The following GALNT13 variants were observed in gnomAD, a reference collection of about 807,000 sequenced individuals.
GALNT13 encodes UDP-GalNAc:polypeptide N-acetylgalactosaminyltransferase 13.
A neutral mutation model predicts 64.2 loss-of-function variants in GALNT13; 28 were observed. The observed-to-expected ratio is 0.44, with a 90% CI of 0.32 to 0.60. GALNT13 has a LOEUF of 0.60. Among genes scored for constraint, GALNT13 ranks in the 20% least tolerant of loss-of-function variants. GALNT13 has a pLI of 0.05. For missense variants in GALNT13, 577 were observed against 669.8 expected (o/e 0.86, Z 1.53); for synonymous variants, 214 against 224.6 (o/e 0.95, Z 0.42).
chr2:153,370,250 TTAAA>T, the GALNT13 span, among the ~76,000 whole-genome samples: 1 of 152,250 alleles, frequency 6.6e-6, no homozygotes, highest in African/African-American at 2.4e-5. Flanking sequence ...TACCAAATAT[TTAAA>T]TAATACCAAT....
the GALNT13 span, among the ~76,000 whole-genome samples, chr2:153,160,279 A>G: frequency 1.2e-4 from 19 of 152,294 alleles, no homozygotes; most frequent in African/African-American, 4.3e-4. Flanking sequence ...TGTTGGATGT[A>G]AGGATACAGT....
chr2:153,552,761 T>A, the GALNT13 span, among the ~76,000 whole-genome samples: 24 of 152,226 alleles, frequency 1.6e-4, no homozygotes, highest in East Asian at 3.5e-3. Context: ...CAAGTTTTTT[T>A]AAAAGATGGT....
chr2:153,489,080 T>C, the GALNT13 span, among the ~76,000 whole-genome samples: 1 of 152,238 alleles, frequency 6.6e-6, no homozygotes, highest in South Asian at 2.1e-4. Context: ...TGTGTACATA[T>C]GGACATAGGG....
At chr2:153,714,905 T>TG in the GALNT13 span, among the ~76,000 whole-genome samples, 1 of 152,312 alleles carries the variant, frequency 6.6e-6, no homozygotes, top group East Asian at 1.9e-4. Flanking sequence ...GAAATACCCG[T>TG]GTTAGGGAAT....
At chr2:153,986,119 G>A (rs1694781047) in intron 3 of GALNT13, among the ~76,000 whole-genome samples, 1 of 152,036 alleles carries the variant, frequency 6.6e-6, no homozygotes, top group South Asian at 2.1e-4. Flanking sequence ...GTAACTCTGT[G>A]ACTTTGCCTC....
the GALNT13 span, among the ~76,000 whole-genome samples, chr2:153,499,361 A>G: frequency 5.8e-4 from 89 of 152,228 alleles, no homozygotes; most frequent in Non-Finnish European, 1.1e-3. Context: ...GGAAGTGCTG[A>G]TTGGTTCATG....
At chr2:153,704,274 A>G in the GALNT13 span, among the ~76,000 whole-genome samples, 1 of 152,158 alleles carries the variant, frequency 6.6e-6, no homozygotes, top group South Asian at 2.1e-4. Flanking sequence ...TAAATGCTAA[A>G]CTATGTATAG....
chr2:153,186,098 T>A, the GALNT13 span, among the ~76,000 whole-genome samples: 1 of 152,162 alleles, frequency 6.6e-6, no homozygotes, highest in East Asian at 1.9e-4. Context: ...AGTCTGAGTC[T>A]CTTTGTAGGT....
chr2:153,517,056 C>T, the GALNT13 span, among the ~76,000 whole-genome samples: 1 of 152,050 alleles, frequency 6.6e-6, no homozygotes. Context: ...GAATTTGGTT[C>T]CAGGTGAGAG....
Position 154,452,221 on chromosome 2 carries a change from A to G in GALNT13, c.*1670A>G, listed in dbSNP as rs978822607. On this transcript the variant is annotated 3_prime_UTR_variant, in exon 13 of 13. Transcript: ENST00000392825. The stretch of plus-strand genomic sequence containing the variant: ...CCGTGAATTTCCTAAAATTGTAAGC[A>G]AAATGTTGAATATCAGGGCATTTTT... 8 of 152,102 alleles carry G rather than the reference A, an allele frequency of 5.3e-5. No homozygotes were observed. Among genetic ancestry groups the G allele is most frequent in the Non-Finnish European group, 1.2e-4 (8 of 68,004 alleles). 9.4% of individuals were successfully genotyped at this position (152,102 alleles called of 1,614,324 possible).
intron 3 of GALNT13, among the ~76,000 whole-genome samples, chr2:154,006,498 A>T (rs1696259605): frequency 6.6e-6 from 1 of 152,206 alleles, no homozygotes; most frequent in Admixed American, 6.5e-5. Flanking sequence ...AATTGGTTAT[A>T]ACTATTTGTG....
chr2:153,649,663 T>C, the GALNT13 span, among the ~76,000 whole-genome samples: 40 of 152,348 alleles, frequency 2.6e-4, no homozygotes, highest in African/African-American at 9.6e-4. Context: ...TGGTATGTTG[T>C]GCCTTTGTTC....
At chr2:153,181,084 G>T in the GALNT13 span, among the ~76,000 whole-genome samples, 1 of 45,028 alleles carries the variant, frequency 2.2e-5, no homozygotes, top group Admixed American at 3.0e-4. Context: ...CTATTTTCCT[G>T]AGGTGTAATA....
the GALNT13 span, among the ~76,000 whole-genome samples, chr2:153,464,256 T>C: frequency 6.6e-6 from 1 of 152,068 alleles, no homozygotes; most frequent in African/African-American, 2.4e-5. Flanking sequence ...GTTTTGTATG[T>C]TAGCCATATG....
chr2:153,703,822 A>G, the GALNT13 span, among the ~76,000 whole-genome samples: 2 of 152,292 alleles, frequency 1.3e-5, no homozygotes, highest in African/African-American at 2.4e-5. Context: ...TGTGTCAAAT[A>G]TTGGAGAGAA....
intron 4 of GALNT13, among the ~76,000 whole-genome samples, chr2:154,204,869 A>C (rs1196763739): frequency 6.6e-6 from 1 of 152,120 alleles, no homozygotes; most frequent in African/African-American, 2.4e-5. Flanking sequence ...TCCCCTCTTC[A>C]TTGAGAGTTA....
downstream of GALNT13, chr2:154,454,523 T>G (rs1470024189): frequency 6.6e-6 from 1 of 151,810 alleles, no homozygotes; most frequent in Non-Finnish European, 1.5e-5. Context: ...ATTAGCTGGA[T>G]GTGGTGGCAC....
rs1171520751 is a variant in GALNT13, at chr2:154,111,279, G to T, written c.143-29058G>T. ...TCTGGGACATTTGTAGTCCTGCCTG[G>T]ATTGGGCTGTTGTAGTTTCCCATTG... is the stretch of plus-strand genomic sequence containing the variant. On this transcript the variant is annotated intron_variant, in intron 3 of 12. Coordinates refer to ENST00000392825, the MANE Select transcript of GALNT13 (RefSeq NM_052917.4). Among the ~76,000 whole-genome samples, 2 of 152,172 alleles carry T rather than the reference G, an allele frequency of 1.3e-5. 1 individual carries two copies. Among genetic ancestry groups the T allele is most frequent in the Non-Finnish European group, 2.9e-5 (2 of 68,034 alleles).
the GALNT13 span, among the ~76,000 whole-genome samples, chr2:153,228,948 A>G: frequency 6.6e-6 from 1 of 152,088 alleles, no homozygotes. Flanking sequence ...TGTTTGGGAC[A>G]GAAAATTACT....
Sources: gnomAD v4.1 joint callset for allele counts (sites outside exome capture counted in the v4.1 genomes callset) on GRCh38, gnomAD v4.1.1 for gene constraint, MANE v1.5 for transcripts, NCBI Gene and HGNC (gene_info 2026-07-23, HGNC 2026-07-21) for gene names.